ST18: variants seen among roughly 807,000 people sequenced by gnomAD.
ST18 encodes suppression of tumorigenicity 18 protein.
In ST18, 50 loss-of-function variants were observed where a neutral mutation model predicts 110.0. The observed-to-expected ratio is 0.45, with a 90% CI of 0.36 to 0.58. ST18 has a LOEUF of 0.58. Ranked by LOEUF, ST18 falls within the 20% of genes least tolerant of loss-of-function variation. ST18 has a pLI of 0.00. For synonymous variants in ST18, 461 were observed against 452.4 expected, an observed-to-expected ratio of 1.02 and a Z score of -0.24; for missense variants, 1,306 against 1,280.1, an observed-to-expected ratio of 1.02 and a Z score of -0.31.
rs376252017 is a variant in ST18 at position 52,403,026 on chromosome 8, G to A, written c.-465+6302C>T. On this transcript the variant is annotated intron_variant, in intron 2 of 25. Coordinates refer to ENST00000689386, the MANE Select transcript of ST18 (RefSeq NM_001352837.2). ...CAAAGTTCCAACTTCCTGGGGGTGG[G>A]ACATTGGGCTGGTTCAGGCACTGAA... Among the ~76,000 whole-genome samples, 18 of 152,292 alleles carry A rather than the reference G, an allele frequency of 1.2e-4. No individual in the cohort carries two copies. In the South Asian group the frequency reaches 3.5e-3, roughly 30 times the overall value.
chr8:52,202,920 C>T lies in ST18; in HGVS notation c.86+9159G>A, dbSNP rs35175553. On this transcript the variant is annotated intron_variant, in intron 8 of 25. Coordinates refer to ENST00000689386, the MANE Select transcript of ST18 (RefSeq NM_001352837.2). ...AGAAACTAAACAAGAAGAAAAATTACGCAAGCAAAAAACCCAAATGAAAAG... is the reference window on the plus strand; with the variant it reads ...AGAAACTAAACAAGAAGAAAAATTATGCAAGCAAAAAACCCAAATGAAAAG... Among the ~76,000 whole-genome samples, 911 of 152,028 alleles carry T rather than the reference C, an allele frequency of 6.0e-3. 7 individuals are homozygous for T. The highest frequency in any genetic ancestry group is 0.021 in the African/African-American group (859 of 41,454).
At chr8:52,319,832 C>A (rs1392946232) in intron 2 of ST18, among the ~76,000 whole-genome samples, 1 of 152,150 alleles carries the variant, frequency 6.6e-6, no homozygotes, top group Non-Finnish European at 1.5e-5. Context: ...AGAGTGCCTG[C>A]ATGTGCCTTC....
At chr8:52,276,783 T>TG (rs1206090525) in intron 2 of ST18, among the ~76,000 whole-genome samples, 2 of 151,104 alleles carry the variant, frequency 1.3e-5, no homozygotes, top group Non-Finnish European at 2.9e-5. Flanking sequence ...TTTTTTTTTT[T>TG]GAGACAGAGT....
chr8:52,158,786 G>A (rs1041680554), intron 15 of ST18, 112 bp downstream of exon 15: 11 of 1,219,462 alleles, frequency 9.0e-6, no homozygotes, highest in South Asian at 5.3e-5. Flanking sequence ...GGAGGGGATC[G>A]CTTCAGAGGT....
intron 2 of ST18, among the ~76,000 whole-genome samples, chr8:52,357,117 G>A (rs1823095037): frequency 6.6e-6 from 1 of 152,054 alleles, no homozygotes; most frequent in South Asian, 2.1e-4. Context: ...ATATATTTAT[G>A]GGGCACATGA....
At chr8:52,368,766 A>G (rs1000775894) in intron 2 of ST18, among the ~76,000 whole-genome samples, 6 of 152,260 alleles carry the variant, frequency 3.9e-5, no homozygotes, top group African/African-American at 1.2e-4. Flanking sequence ...GTGGGCAACA[A>G]CTGTAACAGG....
At chr8:52,163,963 A>T in intron 13 of ST18, 23 bp downstream of exon 13, 1 of 1,584,208 alleles carries the variant, frequency 6.3e-7, no homozygotes, top group South Asian at 1.1e-5. Context: ...GAGAGCACTG[A>T]GAACATCGTT....
At chr8:52,401,406 A>G (rs1842779714) in intron 2 of ST18, among the ~76,000 whole-genome samples, 1 of 152,146 alleles carries the variant, frequency 6.6e-6, no homozygotes, top group East Asian at 1.9e-4. Flanking sequence ...CATTTGTTAA[A>G]TAAGTTTTCC....
At chr8:52,125,273 C>A (rs962933184) in intron 23 of ST18, among the ~76,000 whole-genome samples, 2 of 152,080 alleles carry the variant, frequency 1.3e-5, no homozygotes, top group Admixed American at 6.6e-5. Flanking sequence ...CTTCCAGAAT[C>A]TCTATAAAAA....
At chr8:52,182,322 G>A (rs192751128) in intron 8 of ST18, among the ~76,000 whole-genome samples, 1 of 152,214 alleles carries the variant, frequency 6.6e-6, no homozygotes, top group Non-Finnish European at 1.5e-5. Flanking sequence ...AGGAACATTT[G>A]CCCAGTTTTC....
intron 13 of ST18, among the ~76,000 whole-genome samples, chr8:52,162,647 T>C (rs1264347307): frequency 2.0e-5 from 3 of 152,214 alleles, no homozygotes; most frequent in African/African-American, 4.8e-5. Flanking sequence ...CTAAGCTAAA[T>C]GTGAATTATA....
At chr8:52,252,482 T>C (rs144083047) in intron 2 of ST18, among the ~76,000 whole-genome samples, 6 of 150,220 alleles carry the variant, frequency 4.0e-5, no homozygotes, top group Admixed American at 2.0e-4. Flanking sequence ...GTTCATGTTA[T>C]AGTAGAACAC....
chr8:52,142,877 A>G (rs2055736130), intron 17 of ST18, 53 bp downstream of exon 17: 3 of 1,303,080 alleles, frequency 2.3e-6, no homozygotes, highest in Admixed American at 1.8e-5. Context: ...TAAGTCATGA[A>G]CTTGAATCTT....
intron 2 of ST18, among the ~76,000 whole-genome samples, chr8:52,254,788 G>T (rs145829026): frequency 1.3e-5 from 2 of 152,244 alleles, no homozygotes; most frequent in Non-Finnish European, 2.9e-5. Context: ...GTGTCCTCCT[G>T]CCTCTAGAAG....
intron 3 of ST18, among the ~76,000 whole-genome samples, chr8:52,226,632 G>C (rs1379414636): frequency 2.0e-5 from 3 of 152,256 alleles, no homozygotes; most frequent in South Asian, 4.1e-4. Context: ...GTTATTCTCA[G>C]TTTTCCTGTG....
chr8:52,111,168 T>C lies in ST18; in HGVS notation c.*2030A>G. The C allele has an allele frequency of 2.6e-6, 1 of 388,494 alleles. No individual in the cohort carries two copies. Among genetic ancestry groups the C allele is most frequent in the Admixed American group, 4.5e-5 (1 of 22,430 alleles). The allele number at this position is 388,494 out of a possible 1,614,324, so 24.1% of individuals were successfully genotyped here. On this transcript the variant is annotated 3_prime_UTR_variant, in exon 26 of 26. Coordinates refer to ENST00000689386, the MANE Select transcript of ST18 (RefSeq NM_001352837.2). Reference sequence around the variant, plus strand: ...TAAATTAACCTGAAGTCATAGCAAATTATAGTAATAAATATGTAGGTTGGT... The same window carrying C: ...TAAATTAACCTGAAGTCATAGCAAACTATAGTAATAAATATGTAGGTTGGT...
intron 8 of ST18, among the ~76,000 whole-genome samples, chr8:52,184,856 T>C (rs181428001): frequency 6.2e-4 from 94 of 152,280 alleles, no homozygotes; most frequent in African/African-American, 1.9e-3. Flanking sequence ...AAAATTTTCA[T>C]GGAAAATTCA....
Position 52,209,245 on chromosome 8 carries a change from T to C in ST18, c.86+2834A>G, listed in dbSNP as rs79276107. 5.0e-3 allele frequency among the ~76,000 whole-genome samples: 761 copies of C among 152,316 alleles called. 7 individuals carry two copies. Among genetic ancestry groups the C allele is most frequent in the African/African-American group, 0.017 (709 of 41,580 alleles). On this transcript the variant is annotated intron_variant, in intron 8 of 25. Transcript: ENST00000689386. ...TTTCTACTCTAAACAGTATTAATTGTGTGTGAGATAAAGACTAGTCTGGTG... is the reference window on the plus strand; with the variant it reads ...TTTCTACTCTAAACAGTATTAATTGCGTGTGAGATAAAGACTAGTCTGGTG...
At chr8:52,335,905 C>A (rs1564521613) in intron 2 of ST18, among the ~76,000 whole-genome samples, 2 of 152,076 alleles carry the variant, frequency 1.3e-5, no homozygotes, top group African/African-American at 4.8e-5. Context: ...CCTCCCGGTG[C>A]TGTTAGAATA....
Sources: allele counts gnomAD v4.1 joint callset (sites outside exome capture counted in the v4.1 genomes callset), GRCh38; gene constraint gnomAD v4.1.1; transcripts MANE v1.5; gene names NCBI Gene and HGNC (gene_info 2026-07-23, HGNC 2026-07-21).